Variants in RAB28 observed in about 807,000 individuals in gnomAD.
RAB28 encodes the protein RAB28, member RAS oncogene family.
A neutral mutation model predicts 31.7 loss-of-function variants in RAB28; 24 were observed. That is an observed-to-expected ratio of 0.76 (90% CI 0.55 to 1.06). RAB28 has a LOEUF of 1.06. RAB28 is among the 50% of genes least tolerant of loss of function. The pLI is 0.00. For missense variants in RAB28, 254 were observed against 258.5 expected (o/e 0.98, Z 0.12); for synonymous variants, 100 against 90.4 (o/e 1.11, Z -0.60).
At chr4:13,403,300 C>A (rs560469570) in intron 4 of RAB28, among the ~76,000 whole-genome samples, 1 of 152,244 alleles carries the variant, frequency 6.6e-6, no homozygotes, top group East Asian at 1.9e-4. Context: ...ATGTAACAAG[C>A]ATTCTTAGAT....
At chr4:13,452,927 T>C (rs1430668107) in intron 4 of RAB28, among the ~76,000 whole-genome samples, 1 of 152,148 alleles carries the variant, frequency 6.6e-6, no homozygotes, top group Non-Finnish European at 1.5e-5. Context: ...GATTTAATAA[T>C]ATTTGCTTTA....
chr4:13,367,790 T>C lies in RAB28; in HGVS notation c.*768A>G, dbSNP rs1728561391. On this transcript the variant is annotated 3_prime_UTR_variant, in exon 7 of 7. Coordinates refer to ENST00000330852, the MANE Select transcript of RAB28 (RefSeq NM_001017979.3). ...ATCAGGTACAGTCTGATCCACAATGTCATAACTCATTCTCGGGAGTACTCT... is the reference window on the plus strand; with the variant it reads ...ATCAGGTACAGTCTGATCCACAATGCCATAACTCATTCTCGGGAGTACTCT... 3.0e-6 allele frequency: 3 copies of C among 985,124 alleles called. No individual in the cohort carries two copies. Among genetic ancestry groups the C allele is most frequent in the Non-Finnish European group, 3.6e-6 (3 of 829,690 alleles). The allele number at this position is 985,124 out of a possible 1,614,324, so 61.0% of individuals were successfully genotyped here.
intron 6 of RAB28, among the ~76,000 whole-genome samples, chr4:13,373,036 T>C (rs1167943503): frequency 6.6e-6 from 1 of 152,084 alleles, no homozygotes. Flanking sequence ...AAATTCACAG[T>C]TTATTAATTG....
At chr4:13,402,150 T>C (rs1012982242) in intron 4 of RAB28, among the ~76,000 whole-genome samples, 2 of 152,238 alleles carry the variant, frequency 1.3e-5, no homozygotes, top group Non-Finnish European at 2.9e-5. Context: ...TCTTTTTATA[T>C]GGAAGAATAT....
At chr4:13,415,556 T>G (rs1577190719) in intron 4 of RAB28, among the ~76,000 whole-genome samples, 1 of 151,888 alleles carries the variant, frequency 6.6e-6, no homozygotes. Flanking sequence ...CTGCAGAGGG[T>G]GTGCTGGGTC....
intron 5 of RAB28, among the ~76,000 whole-genome samples, chr4:13,380,330 A>C (rs1051786583): frequency 6.6e-6 from 1 of 152,180 alleles, no homozygotes; most frequent in Non-Finnish European, 1.5e-5. Context: ...GAAAAATTTC[A>C]AACTTCTTTT....
At chr4:13,407,835 G>T (rs1712193316) in intron 4 of RAB28, among the ~76,000 whole-genome samples, 1 of 152,118 alleles carries the variant, frequency 6.6e-6, no homozygotes, top group African/African-American at 2.4e-5. Context: ...TTGGCGTACA[G>T]GAATGCCTGC....
chr4:13,439,331 G>C (rs1292481410), intron 4 of RAB28, among the ~76,000 whole-genome samples: 1 of 151,470 alleles, frequency 6.6e-6, no homozygotes, highest in African/African-American at 2.4e-5. Context: ...TAAGACACTT[G>C]TTGTTTTAAT....
intron 4 of RAB28, among the ~76,000 whole-genome samples, chr4:13,414,140 C>T (rs984724854): frequency 4.6e-5 from 7 of 152,192 alleles, no homozygotes; most frequent in East Asian, 1.9e-4. Flanking sequence ...CCAAAAGCTA[C>T]GGTTTCTAAC....
chr4:13,471,541 G>A (rs898166814), intron 3 of RAB28, among the ~76,000 whole-genome samples: 25 of 149,770 alleles, frequency 1.7e-4, no homozygotes, highest in African/African-American at 5.9e-4. Flanking sequence ...TCACTCTTTC[G>A]CCCAGGCTGG....
intron 6 of RAB28, among the ~76,000 whole-genome samples, chr4:13,374,634 C>T (rs1036178452): frequency 1.4e-4 from 22 of 152,152 alleles, no homozygotes; most frequent in African/African-American, 5.1e-4. Context: ...TTATCTCAGA[C>T]TTCTATCCTC....
chr4:13,399,836 G>A (rs1265263895), intron 4 of RAB28, among the ~76,000 whole-genome samples: 1 of 151,792 alleles, frequency 6.6e-6, no homozygotes, highest in African/African-American at 2.4e-5. Context: ...CCCAGTTTGT[G>A]GCTTGTCTTT....
intron 4 of RAB28, among the ~76,000 whole-genome samples, chr4:13,410,931 T>TA (rs1354835204): frequency 6.6e-6 from 1 of 151,976 alleles, no homozygotes; most frequent in Non-Finnish European, 1.5e-5. Flanking sequence ...GGAGAAATAA[T>TA]AAAACAAGTG....
rs572345289 is a variant in RAB28 at position 13,380,204 on chromosome 4, C to G, written c.495+1287G>C. On this transcript the variant is annotated intron_variant, in intron 5 of 6. Coordinates refer to ENST00000330852, the MANE Select transcript of RAB28 (RefSeq NM_001017979.3). ...CTGAGGGGAAAGGATTCCAGGAGGC[C>G]AAATTTTTTAATGGGTCTTACCAAA... 5.9e-5 allele frequency among the ~76,000 whole-genome samples: 9 copies of G among 152,018 alleles called. No individual in the cohort carries two copies. In the South Asian group the frequency reaches 1.5e-3, roughly 25 times the overall value.
chr4:13,388,546 G>A (rs1055067730), intron 4 of RAB28, among the ~76,000 whole-genome samples: 13 of 151,906 alleles, frequency 8.6e-5, no homozygotes, highest in African/African-American at 1.2e-4. Flanking sequence ...AAAAATTTTC[G>A]TGTATCAAAG....
At chr4:13,393,508 G>A (rs1729736910) in intron 4 of RAB28, among the ~76,000 whole-genome samples, 1 of 152,126 alleles carries the variant, frequency 6.6e-6, no homozygotes, top group Non-Finnish European at 1.5e-5. Flanking sequence ...TCTTGCAGGT[G>A]ACATATATCA....
intron 5 of RAB28, among the ~76,000 whole-genome samples, chr4:13,378,987 A>G (rs113912941): frequency 0.037 from 5,621 of 152,036 alleles, 174 homozygotes; most frequent in African/African-American, 0.083. Flanking sequence ...GAGGCGGGTG[A>G]ATCACGAGGT....
chr4:13,421,480 G>A (rs999683305), intron 4 of RAB28, among the ~76,000 whole-genome samples: 1 of 152,124 alleles, frequency 6.6e-6, no homozygotes, highest in East Asian at 1.9e-4. Flanking sequence ...AAAGCTGGAG[G>A]CATCATGCTA....
intron 4 of RAB28, among the ~76,000 whole-genome samples, chr4:13,435,407 G>GA (rs1039250900): frequency 5.3e-5 from 8 of 149,586 alleles, no homozygotes; most frequent in East Asian, 3.9e-4. Context: ...TTGAGACCAA[G>GA]AAAAAAAAAT....
Sources: gnomAD v4.1 joint callset for allele counts (sites outside exome capture counted in the v4.1 genomes callset) on GRCh38, gnomAD v4.1.1 for gene constraint, MANE v1.5 for transcripts, NCBI Gene and HGNC (gene_info 2026-07-23, HGNC 2026-07-21) for gene names.